Variants in MARCHF10 observed in about 807,000 individuals in gnomAD.
MARCHF10 encodes membrane associated ring-CH-type finger 10, also known as probable E3 ubiquitin-protein ligase MARCHF10.
In MARCHF10, 64 loss-of-function variants were observed where a neutral mutation model predicts 76.2. That is an observed-to-expected ratio of 0.84 (90% CI 0.69 to 1.03). The LOEUF is 1.03. Ranked by LOEUF, MARCHF10 falls within the 50% of genes least tolerant of loss-of-function variation. The probability of loss-of-function intolerance (pLI) is 0.00; values close to 1 mark genes in which losing one functional copy is unlikely to be tolerated. For synonymous variants in MARCHF10, 340 were observed against 357.5 expected, an observed-to-expected ratio of 0.95 and a Z score of 0.55; for missense variants, 875 against 958.0, an observed-to-expected ratio of 0.91 and a Z score of 1.14.
chr17:62,732,511 A>C (rs1448632764), intron 6 of MARCHF10, among the ~76,000 whole-genome samples: 1 of 152,236 alleles, frequency 6.6e-6, no homozygotes, highest in Non-Finnish European at 1.5e-5. Flanking sequence ...CATATTCATA[A>C]GTGGGAAAAA....
chr17:62,766,239 G>A (rs778324772), intron 3 of MARCHF10, among the ~76,000 whole-genome samples: 4 of 152,232 alleles, frequency 2.6e-5, no homozygotes, highest in Non-Finnish European at 4.4e-5. Context: ...GGTGGCTCAC[G>A]CCTGTAATCC....
intron 10 of MARCHF10, among the ~76,000 whole-genome samples, chr17:62,703,621 C>T (rs1487124763): frequency 6.6e-6 from 1 of 152,212 alleles, no homozygotes; most frequent in African/African-American, 2.4e-5. Flanking sequence ...TGGCTGTCTC[C>T]ACCTTGGGGC....
intron 6 of MARCHF10, among the ~76,000 whole-genome samples, chr17:62,733,279 T>G (rs2091115100): frequency 6.6e-6 from 1 of 152,106 alleles, no homozygotes; most frequent in African/African-American, 2.4e-5. Flanking sequence ...GGCAACGTAG[T>G]GAGACCCCAT....
At position 62,712,148 on chromosome 17, in the gene MARCHF10, A is replaced by G. The variant is rs1227369466; in HGVS notation, c.2215-804T>C. Among the ~76,000 whole-genome samples the G allele has an allele frequency of 2.0e-5, 3 of 152,146 alleles. No homozygotes were observed. Among genetic ancestry groups the G allele is most frequent in the Admixed American group, 1.3e-4 (2 of 15,274 alleles). On this transcript the variant is annotated intron_variant, in intron 8 of 10. Coordinates refer to ENST00000311269, the MANE Select transcript of MARCHF10 (RefSeq NM_152598.4). The surrounding 1 kb of genome is among the most constrained non-coding windows in gnomAD (Gnocchi z 4.2). The stretch of plus-strand genomic sequence containing the variant: ...GTAACAACTACTCCTATCCCTCTAT[A>G]GGGGAAGGAGGGGAAGGCCCTTTCA...
chr17:62,770,176 A>G (rs982322856), intron 3 of MARCHF10, among the ~76,000 whole-genome samples: 1 of 152,172 alleles, frequency 6.6e-6, no homozygotes, highest in African/African-American at 2.4e-5. Context: ...AGCTCCATCC[A>G]TATTGCTCCA....
chr17:62,750,210 G>T (rs1029901856), intron 4 of MARCHF10: 11 of 153,100 alleles, frequency 7.2e-5, no homozygotes, highest in African/African-American at 2.6e-4. Context: ...TACCACATGA[G>T]GTAAATCCTA....
At chr17:62,704,145 GCGCCCCTTC>G (rs2089425562) in intron 10 of MARCHF10, among the ~76,000 whole-genome samples, 1 of 151,510 alleles carries the variant, frequency 6.6e-6, no homozygotes, top group Admixed American at 6.6e-5. Flanking sequence ...GCTCCCCGTC[GCGCCCCTTC>G]CGGAGCGGGA....
At position 62,736,783 on chromosome 17, in the gene MARCHF10, G is replaced by A; in HGVS notation, c.1085C>T (p.Pro362Leu). The change falls in exon 6 of 11, where the codon CCA becomes CTA. Residue 362 changes from proline to leucine, a missense_variant. Physicochemically the swap from Pro to Leu is moderately conservative, Grantham distance 98 (BLOSUM62 -3). Transcript: ENST00000311269. ...CCCAGCAGAAGGCCGCTCTGTTGCT[G>A]GCTCCATTGCATTGCTTATTCTCAA... ...GSLRISNAME[P>L]ATERPSAGQR... The A allele has an allele frequency of 6.2e-7, 1 of 1,614,146 alleles. No individual in the cohort carries two copies. Among genetic ancestry groups the A allele is most frequent in the Non-Finnish European group, 8.5e-7 (1 of 1,180,034 alleles).
chr17:62,712,317 C>T lies in MARCHF10; in HGVS notation c.2215-973G>A, dbSNP rs573965636. 3.5e-4 allele frequency among the ~76,000 whole-genome samples: 53 copies of T among 152,342 alleles called. No homozygotes were observed. Among genetic ancestry groups the T allele is most frequent in the African/African-American group, 1.2e-3 (49 of 41,584 alleles). The stretch of plus-strand genomic sequence containing the variant: ...GGAAAGCTTGCAACTGTGACTCTGT[C>T]GGCCCAGGATAACGATGCGTGGGCA... On this transcript the variant is annotated intron_variant, in intron 8 of 10. Transcript: ENST00000311269. The surrounding 1 kb of genome is among the most constrained non-coding windows in gnomAD (Gnocchi z 4.2).
chr17:62,705,223 G>C, intron 10 of MARCHF10: 1 of 1,307,180 alleles, frequency 7.7e-7, no homozygotes, highest in South Asian at 1.6e-5. Flanking sequence ...AACTCTCCAA[G>C]TGCTGGACGC....
intron 3 of MARCHF10, among the ~76,000 whole-genome samples, chr17:62,776,063 G>C (rs1426898992): frequency 6.6e-6 from 1 of 152,130 alleles, no homozygotes; most frequent in African/African-American, 2.4e-5. Flanking sequence ...CTCCCAAAGT[G>C]TGGGATTACA....
intron 3 of MARCHF10, among the ~76,000 whole-genome samples, chr17:62,785,658 A>C (rs1385726236): frequency 3.3e-5 from 5 of 152,238 alleles, no homozygotes; most frequent in Non-Finnish European, 5.9e-5. Context: ...AGAATCTACA[A>C]AGAACTTAAA....
At chr17:62,778,638 AC>A (rs1346200752) in intron 3 of MARCHF10, among the ~76,000 whole-genome samples, 2 of 144,314 alleles carry the variant, frequency 1.4e-5, no homozygotes, top group African/African-American at 5.2e-5. Flanking sequence ...GGTGAGGATC[AC>A]GCCACTGCAC....
chr17:62,806,994 T>A (rs1386096978), intron 1 of MARCHF10, among the ~76,000 whole-genome samples: 4 of 152,292 alleles, frequency 2.6e-5, no homozygotes, highest in Non-Finnish European at 4.4e-5. Context: ...CAATCTAACC[T>A]CCTCCTTAGA....
chr17:62,711,337 T>C lies in MARCHF10; in HGVS notation c.2222A>G (p.Asn741Ser). 1 of 1,614,144 alleles carries C rather than the reference T, an allele frequency of 6.2e-7. No homozygotes were observed. Among genetic ancestry groups the C allele is most frequent in the Non-Finnish European group, 8.5e-7 (1 of 1,179,988 alleles). ...YQKHQQSQAQNELMNSGLYLV... is the reference protein window; with the variant it reads ...YQKHQQSQAQSELMNSGLYLV... ...GTACAAGCCTGAATTCATCAGCTCG[T>C]TTTGTGCCTACAAATGGAAAAGAAA... The change falls in exon 9 of 11, where the codon AAC (asparagine) becomes AGC (serine). Residue 741 changes from asparagine to serine, a missense_variant. By Grantham distance (46) the Asn-to-Ser change is conservative. Transcript: ENST00000311269. This position sits in a 1 kb window ranked among gnomAD's most constrained non-coding sequence, Gnocchi z 4.4.
chr17:62,748,484 C>T (rs946793279), intron 4 of MARCHF10, among the ~76,000 whole-genome samples: 1 of 152,128 alleles, frequency 6.6e-6, no homozygotes, highest in East Asian at 1.9e-4. Context: ...TGTCTGTAAT[C>T]CTAACACTTT....
chr17:62,752,445 A>G (rs1472318862), intron 4 of MARCHF10, among the ~76,000 whole-genome samples: 2 of 152,106 alleles, frequency 1.3e-5, no homozygotes, highest in Non-Finnish European at 2.9e-5. Context: ...ACACCGCAAA[A>G]GGGGACCCAC....
intron 2 of MARCHF10, among the ~76,000 whole-genome samples, chr17:62,794,798 G>A (rs551298900): frequency 1.3e-5 from 2 of 152,270 alleles, no homozygotes; most frequent in South Asian, 4.2e-4. Flanking sequence ...TTTGAGAAGT[G>A]GGAGTTGCCA....
At chr17:62,721,884 G>A (rs2090505208) in intron 8 of MARCHF10, among the ~76,000 whole-genome samples, 1 of 152,016 alleles carries the variant, frequency 6.6e-6, no homozygotes, top group African/African-American at 2.4e-5. Flanking sequence ...ACGTGGGTGT[G>A]GAGCTTGCCA....
Sources: allele counts gnomAD v4.1 joint callset (sites outside exome capture counted in the v4.1 genomes callset), GRCh38; gene constraint gnomAD v4.1.1; non-coding constraint Gnocchi (gnomAD v3.1); transcripts MANE v1.5; gene names NCBI Gene and HGNC (gene_info 2026-07-23, HGNC 2026-07-21).